The following MGAT4C variants were observed in gnomAD, a reference collection of about 807,000 sequenced individuals.
MGAT4C encodes the protein alpha-1,3-mannosyl-glycoprotein 4-beta-N-acetylglucosaminyltransferase C.
A neutral mutation model predicts 40.1 loss-of-function variants in MGAT4C; 19 were observed. That is an observed-to-expected ratio of 0.47 (90% CI 0.33 to 0.70). The LOEUF (loss-of-function observed/expected upper bound fraction) is 0.70, where lower values mean the gene tolerates loss of function less well. Ranked by LOEUF, MGAT4C falls within the 30% of genes least tolerant of loss-of-function variation. The probability of loss-of-function intolerance (pLI) is 0.02; values close to 1 mark genes in which losing one functional copy is unlikely to be tolerated. For synonymous variants in MGAT4C, 181 were observed against 187.1 expected (o/e 0.97, Z 0.27); for missense variants, 491 against 563.2 (o/e 0.87, Z 1.30).
At chr12:86,295,398 C>G (rs955685608) in intron 4 of MGAT4C, among the ~76,000 whole-genome samples, 1 of 152,166 alleles carries the variant, frequency 6.6e-6, no homozygotes, top group African/African-American at 2.4e-5. Flanking sequence ...GCTCTTAAGG[C>G]AGCGCGTCTG....
At chr12:86,694,192 T>A (rs1045273637) in intron 2 of MGAT4C, among the ~76,000 whole-genome samples, 1 of 152,120 alleles carries the variant, frequency 6.6e-6, no homozygotes, top group Non-Finnish European at 1.5e-5. Context: ...ATATTTCAGA[T>A]CTTCTTTTCT....
At chr12:86,547,629 T>C (rs1287774820) in intron 2 of MGAT4C, among the ~76,000 whole-genome samples, 1 of 152,118 alleles carries the variant, frequency 6.6e-6, no homozygotes. Context: ...AAATATTTGG[T>C]AAATTTTGTT....
intron 2 of MGAT4C, among the ~76,000 whole-genome samples, chr12:86,609,730 A>C (rs1962178310): frequency 6.7e-6 from 1 of 149,514 alleles, no homozygotes; most frequent in Non-Finnish European, 1.5e-5. Flanking sequence ...TTAAAAAGTA[A>C]GATTTTTTTT....
intron 1 of MGAT4C, among the ~76,000 whole-genome samples, chr12:86,807,738 A>T (rs1288871348): frequency 6.6e-6 from 1 of 152,064 alleles, no homozygotes. Context: ...TTACATTCTC[A>T]CCAACAGTGT....
chr12:86,611,388 A>ATAGGTAGGTAGGTAGGTAGG (rs150541086), intron 2 of MGAT4C, among the ~76,000 whole-genome samples: 3 of 148,106 alleles, frequency 2.0e-5, no homozygotes, highest in African/African-American at 5.1e-5. Flanking sequence ...GGTCCCATAG[A>ATAGGTAGGTAGGTAGGTAGG]TAGGTAGGTA....
intron 1 of MGAT4C, among the ~76,000 whole-genome samples, chr12:86,827,670 G>A (rs1165867179): frequency 6.6e-6 from 1 of 151,284 alleles, no homozygotes; most frequent in East Asian, 1.9e-4. Flanking sequence ...TAAACAAATA[G>A]AAAGAAAGTG....
intron 2 of MGAT4C, among the ~76,000 whole-genome samples, chr12:86,049,325 C>G (rs541810622): frequency 4.0e-5 from 6 of 151,424 alleles, no homozygotes; most frequent in African/African-American, 1.5e-4. Context: ...TGTGTGTGTA[C>G]CTGCACAAGT....
intron 1 of MGAT4C, among the ~76,000 whole-genome samples, chr12:86,798,599 A>G (rs1952172299): frequency 6.6e-6 from 1 of 151,910 alleles, no homozygotes; most frequent in African/African-American, 2.4e-5. Context: ...TTATTTATCA[A>G]TCTTTGTCTT....
At chr12:86,626,613 C>T (rs1456643619) in intron 2 of MGAT4C, among the ~76,000 whole-genome samples, 1 of 152,196 alleles carries the variant, frequency 6.6e-6, no homozygotes, top group Non-Finnish European at 1.5e-5. Flanking sequence ...TTTATTTAGG[C>T]AAATTTTTGA....
chr12:85,983,576 C>T lies in MGAT4C; in HGVS notation c.242G>A (p.Gly81Glu). 1 of 1,598,890 alleles carries T rather than the reference C, an allele frequency of 6.3e-7. No individual in the cohort carries two copies. Among genetic ancestry groups the T allele is most frequent in the Middle Eastern group, 1.7e-4 (1 of 6,008 alleles). Residue 81 changes from glycine (G) to glutamate (E), a missense_variant, in exon 4 of 5, where the codon GGA becomes GAA. Transcript: ENST00000611864. ...HTFKDLSNFS[G>E]AINVTYRYLA... The stretch of plus-strand genomic sequence containing the variant: ...GTAGCGATAGGTGACATTTATGGCT[C>T]CTGAGAAATTAGATAAATCCTTGAA...
chr12:86,263,524 G>A (rs1381477755), intron 4 of MGAT4C, among the ~76,000 whole-genome samples: 1 of 152,016 alleles, frequency 6.6e-6, no homozygotes, highest in Non-Finnish European at 1.5e-5. Context: ...TTTTTTGGCT[G>A]AATAGTACTC....
intron 2 of MGAT4C, among the ~76,000 whole-genome samples, chr12:86,532,555 C>A (rs939029766): frequency 1.3e-4 from 20 of 152,016 alleles, no homozygotes; most frequent in African/African-American, 4.1e-4. Context: ...AAAAGGCATT[C>A]AAAGAATAAT....
Position 86,603,697 on chromosome 12 carries a change from TATTATCTATA to T in MGAT4C, c.-229+123502_-229+123511del. Among the ~76,000 whole-genome samples the T allele has an allele frequency of 3.0e-5, 4 of 131,446 alleles. No individual in the cohort carries two copies. The Admixed American group carries it at 3.3e-4, about 11-fold the overall frequency. 86.2% of individuals were successfully genotyped at this position (131,446 alleles called of 152,430 possible). A position where few individuals can be genotyped will look rare whatever the true frequency, so the allele number is the denominator to read the frequency against. ...GTATATATACTATATATAGACTATA[TATTATCTATA>T]GTCTATAGACTATATACTATATAAT... On this transcript the variant is annotated intron_variant, in intron 2 of 7. Coordinates refer to the MGAT4C transcript ENST00000548651.
At chr12:86,813,808 A>G (rs1377075106) in intron 1 of MGAT4C, among the ~76,000 whole-genome samples, 1 of 152,122 alleles carries the variant, frequency 6.6e-6, no homozygotes, top group Non-Finnish European at 1.5e-5. Flanking sequence ...CTTCCATAAA[A>G]TGTATTTCTC....
chr12:86,310,154 A>AT (rs1368528366), intron 4 of MGAT4C, among the ~76,000 whole-genome samples: 2,890 of 145,180 alleles, frequency 0.02, 79 homozygotes, highest in African/African-American at 0.065. Flanking sequence ...CTCAAACTCA[A>AT]TTTTTTTTTT....
intron 4 of MGAT4C, among the ~76,000 whole-genome samples, chr12:86,312,961 T>G (rs1484336983): frequency 6.6e-6 from 1 of 152,170 alleles, no homozygotes; most frequent in Non-Finnish European, 1.5e-5. Flanking sequence ...GCTTTTTTTC[T>G]TAGATAACAA....
At chr12:86,169,087 ATC>A (rs1886509809) in intron 1 of MGAT4C, among the ~76,000 whole-genome samples, 1 of 152,102 alleles carries the variant, frequency 6.6e-6, no homozygotes, top group Non-Finnish European at 1.5e-5. Context: ...AGTTTTCTCA[ATC>A]TCTTATTATC....
At chr12:86,385,655 T>C (rs2136223765) in intron 3 of MGAT4C, among the ~76,000 whole-genome samples, 1 of 152,254 alleles carries the variant, frequency 6.6e-6, no homozygotes, top group East Asian at 1.9e-4. Flanking sequence ...CCACAGAAAA[T>C]TACTTAAAAT....
intron 2 of MGAT4C, among the ~76,000 whole-genome samples, chr12:86,635,933 T>G (rs1336094868): frequency 6.6e-6 from 1 of 151,926 alleles, no homozygotes; most frequent in East Asian, 1.9e-4. Flanking sequence ...CTTCCTGCAT[T>G]GGCCTCCCAG....
Sources: allele counts gnomAD v4.1 joint callset (sites outside exome capture counted in the v4.1 genomes callset), GRCh38; gene constraint gnomAD v4.1.1; transcripts MANE v1.5; gene names NCBI Gene and HGNC (gene_info 2026-07-23, HGNC 2026-07-21).